Variants in TP53INP1 observed in about 807,000 individuals in gnomAD.
TP53INP1 encodes the protein tumor protein p53 inducible nuclear protein 1, also known as tumor protein p53-inducible nuclear protein 1.
A neutral mutation model predicts 21.0 loss-of-function variants in TP53INP1; 12 were observed. The ratio of observed to expected loss-of-function variants is 0.57; its 90% CI spans 0.37 to 0.93. TP53INP1 has a LOEUF of 0.93. TP53INP1 is among the 40% of genes least tolerant of loss of function. TP53INP1 has a pLI of 0.01. For missense variants in TP53INP1, 274 were observed against 294.7 expected (o/e 0.93, Z 0.51); for synonymous variants, 91 against 94.8 (o/e 0.96, Z 0.23).
intron 3 of TP53INP1, among the ~76,000 whole-genome samples, chr8:94,935,958 G>C (rs1199506935): frequency 6.6e-6 from 1 of 152,200 alleles, no homozygotes; most frequent in Non-Finnish European, 1.5e-5. Flanking sequence ...GGGACCAACA[G>C]CACTGCCCAG....
intron 1 of TP53INP1, among the ~76,000 whole-genome samples, chr8:94,948,719 A>G (rs2879813): frequency 0.51 from 76,895 of 152,010 alleles, 19,825 homozygotes; most frequent in East Asian, 0.73. Context: ...CGAGTCCCGA[A>G]GGGGCGGCCC....
Position 94,927,745 on chromosome 8 carries a change from C to A in TP53INP1, c.*2734G>T, listed in dbSNP as rs1228708807. On this transcript the variant is annotated 3_prime_UTR_variant, in exon 4 of 4. Coordinates refer to ENST00000342697, the MANE Select transcript of TP53INP1 (RefSeq NM_033285.4). ...GGCGCACTATAAAAGCTAAGAAACT[C>A]ATTCACGAAGCACTGCTTGTGTACA... 3 of 152,480 alleles carry A rather than the reference C, an allele frequency of 2.0e-5. No individual in the cohort carries two copies. The highest frequency in any genetic ancestry group is 4.4e-5 in the Non-Finnish European group (3 of 68,006). The allele number at this position is 152,480 out of a possible 1,614,324, so 9.4% of individuals were successfully genotyped here. A position where few individuals can be genotyped will look rare whatever the true frequency, so the allele number is the denominator to read the frequency against.
chr8:94,942,156 CCT>C (rs1821601310), intron 1 of TP53INP1, among the ~76,000 whole-genome samples: 1 of 152,002 alleles, frequency 6.6e-6, no homozygotes, highest in South Asian at 2.1e-4. Context: ...CCTGCCTCAG[CCT>C]CCCAAGTAGC....
intron 1 of TP53INP1, among the ~76,000 whole-genome samples, chr8:94,948,783 G>A (rs966822301): frequency 5.9e-5 from 9 of 152,112 alleles, no homozygotes; most frequent in African/African-American, 9.7e-5. Context: ...AGTGAGGAGG[G>A]GTGAGAGGAG....
rs567388216 is a variant in TP53INP1 at position 94,942,895 on chromosome 8, A to G, written c.-150-1804T>C. Among the ~76,000 whole-genome samples, 541 of 152,338 alleles carry G rather than the reference A, an allele frequency of 3.6e-3. 4 individuals are homozygous for G. Among genetic ancestry groups the G allele is most frequent in the Non-Finnish European group, 5.6e-3 (384 of 68,026 alleles). Reference sequence around the variant, plus strand: ...CAATAGCAGGCTAGGGGAGCTGAGCAGGAACCAGGTCCTGCAGGGCCTTGT... The same window carrying G: ...CAATAGCAGGCTAGGGGAGCTGAGCGGGAACCAGGTCCTGCAGGGCCTTGT... On this transcript the variant is annotated intron_variant, in intron 1 of 3. Coordinates refer to ENST00000342697, the MANE Select transcript of TP53INP1 (RefSeq NM_033285.4).
At position 94,945,842 on chromosome 8, in the gene TP53INP1, T is replaced by TCCAGCAGTTTCC. The variant is rs1239467599; in HGVS notation, c.-151+3300_-151+3311dup. Among the ~76,000 whole-genome samples the TCCAGCAGTTTCC allele has an allele frequency of 5.9e-5, 9 of 152,326 alleles. No individual in the cohort carries two copies. In the East Asian group the frequency reaches 1.5e-3, roughly 26 times the overall value. ...TTTGAACAGCTTTAACCAGCGTCAG[T>TCCAGCAGTTTCC]CCAGCAGTTTCCCCGACAAGAGAAA... On this transcript the variant is annotated intron_variant, in intron 1 of 3. Coordinates refer to ENST00000342697, the MANE Select transcript of TP53INP1 (RefSeq NM_033285.4).
intron 2 of TP53INP1, 133 bp from the exon 3 acceptor site, chr8:94,940,353 T>C (rs1486094556): frequency 5.9e-6 from 6 of 1,009,356 alleles, no homozygotes; most frequent in South Asian, 3.3e-5. Context: ...ATGATACTAT[T>C]AGCTGATGCT....
At chr8:94,935,119 G>GA (rs1563725561) in intron 3 of TP53INP1, among the ~76,000 whole-genome samples, 30 of 115,834 alleles carry the variant, frequency 2.6e-4, no homozygotes, top group Non-Finnish European at 4.1e-4. Flanking sequence ...AGGTACATAG[G>GA]TAGATAGATA....
At chr8:94,943,944 G>A (rs540034902) in intron 1 of TP53INP1, among the ~76,000 whole-genome samples, 30 of 152,294 alleles carry the variant, frequency 2.0e-4, no homozygotes, top group African/African-American at 7.2e-4. Flanking sequence ...CAGAAGAAAA[G>A]TGTAGTTTGT....
chr8:94,933,772 C>T (rs1313067403), intron 3 of TP53INP1, among the ~76,000 whole-genome samples: 1 of 135,142 alleles, frequency 7.4e-6, no homozygotes, highest in Admixed American at 7.8e-5. Flanking sequence ...CAAAAAAAAC[C>T]CCCAAAAAAA....
intron 3 of TP53INP1, among the ~76,000 whole-genome samples, chr8:94,938,933 T>A (rs1171724973): frequency 6.6e-6 from 1 of 152,190 alleles, no homozygotes. Context: ...GGCAGTCTTT[T>A]GGGACTAAGC....
chr8:94,935,544 A>G (rs1242488172), intron 3 of TP53INP1, among the ~76,000 whole-genome samples: 1 of 152,234 alleles, frequency 6.6e-6, no homozygotes, highest in African/African-American at 2.4e-5. Context: ...CAGATTGATT[A>G]ATCAAGATAA....
At chr8:94,932,019 T>G in intron 3 of TP53INP1, 1 of 1,553,520 alleles carries the variant, frequency 6.4e-7, no homozygotes, top group Non-Finnish European at 8.7e-7. Flanking sequence ...TTGGGTCCTT[T>G]GCCTCCCTAT....
chr8:94,935,128 T>TTAGATAG (rs149916195), intron 3 of TP53INP1, among the ~76,000 whole-genome samples: 10 of 144,750 alleles, frequency 6.9e-5, no homozygotes, highest in East Asian at 6.1e-4. Flanking sequence ...GGTAGATAGA[T>TTAGATAG]ATAGATAGAT....
At chr8:94,939,723 G>C (rs1018002169) in intron 3 of TP53INP1, 137 bp downstream of exon 3, 1 of 1,235,438 alleles carries the variant, frequency 8.1e-7, no homozygotes. Context: ...GGACCATCTT[G>C]TGTACTATGC....
chr8:94,948,419 G>A (rs528591815), intron 1 of TP53INP1, among the ~76,000 whole-genome samples: 3 of 152,330 alleles, frequency 2.0e-5, no homozygotes, highest in South Asian at 2.1e-4. Flanking sequence ...AAGCGTGAGC[G>A]ATCCAAAGGA....
Position 94,926,000 on chromosome 8 carries a change from C to G in TP53INP1, c.*4479G>C, listed in dbSNP as rs1266784752. On this transcript the variant is annotated 3_prime_UTR_variant, in exon 4 of 4. Coordinates refer to ENST00000342697, the MANE Select transcript of TP53INP1 (RefSeq NM_033285.4). Reference sequence around the variant, plus strand: ...AGTTAAAGGACACTTTATTTACTGACAGATTGAAAACTGTAACTCCAGGTA... The same window carrying G: ...AGTTAAAGGACACTTTATTTACTGAGAGATTGAAAACTGTAACTCCAGGTA... 6.6e-6 allele frequency: 1 copy of G among 152,578 alleles called. No homozygotes were observed. Among genetic ancestry groups the G allele is most frequent in the Non-Finnish European group, 1.5e-5 (1 of 68,030 alleles). 9.5% of individuals were successfully genotyped at this position (152,578 alleles called of 1,614,324 possible). A position where few individuals can be genotyped will look rare whatever the true frequency, so the allele number is the denominator to read the frequency against.
chr8:94,931,901 G>A (rs1407301573), intron 3 of TP53INP1, among the ~76,000 whole-genome samples: 1 of 152,130 alleles, frequency 6.6e-6, no homozygotes, highest in African/African-American at 2.4e-5. Context: ...GAATCTGGGG[G>A]GTGGAGGCTG....
In TP53INP1 at chr8:94,940,879, T is replaced by C; in HGVS notation, c.63A>G (p.Pro21=). 1 of 1,613,948 alleles carries C rather than the reference T, an allele frequency of 6.2e-7. No homozygotes were observed. The highest frequency in any genetic ancestry group is 8.5e-7 in the Non-Finnish European group (1 of 1,179,938). ...GEVSSSSNQE[P]EFNEKEDDEW... is the part of the protein sequence containing the mutation. ...CATCATCTTCTTTCTCATTGAATTC[T>C]GGTTCTTGGTTGGAGGAAGAACTGA... The change falls in exon 2 of 4, where the codon CCA becomes CCG. Residue 21 remains proline, a synonymous_variant. Transcript: ENST00000342697.
Sources: gnomAD v4.1 joint callset for allele counts (sites outside exome capture counted in the v4.1 genomes callset) on GRCh38, gnomAD v4.1.1 for gene constraint, MANE v1.5 for transcripts, NCBI Gene and HGNC (gene_info 2026-07-23, HGNC 2026-07-21) for gene names.